Variants in C12orf42 observed in about 807,000 individuals in gnomAD.
The protein encoded by C12orf42 is uncharacterized protein C12orf42.
A neutral mutation model predicts 21.6 loss-of-function variants in C12orf42; 25 were observed. The observed-to-expected ratio is 1.16, with a 90% CI of 0.84 to 1.62. The LOEUF (loss-of-function observed/expected upper bound fraction) is 1.62. C12orf42 is among the 40% of genes most tolerant of loss of function. The probability of loss-of-function intolerance (pLI) is 0.00; values close to 1 mark genes in which losing one functional copy is unlikely to be tolerated. For synonymous variants in C12orf42, 174 were observed against 175.0 expected (o/e 0.99, Z 0.05); for missense variants, 483 against 459.3 (o/e 1.05, Z -0.47).
intron 4 of C12orf42, among the ~76,000 whole-genome samples, chr12:103,366,964 G>A (rs1029845832): frequency 1.3e-5 from 2 of 151,990 alleles, no homozygotes; most frequent in African/African-American, 4.8e-5. Context: ...CTACCCATAG[G>A]AAAACAAGTC....
chr12:103,518,845 G>A, the C12orf42 span, among the ~76,000 whole-genome samples: 22 of 151,820 alleles, frequency 1.4e-4, no homozygotes, highest in African/African-American at 4.6e-4. Flanking sequence ...TTTAAATAAC[G>A]TACTCAAGAT....
chr12:103,468,939 AAATCT>A (rs1953362380), intron 2 of C12orf42, among the ~76,000 whole-genome samples: 1 of 152,206 alleles, frequency 6.6e-6, no homozygotes, highest in Non-Finnish European at 1.5e-5. Context: ...TACTCCAGTA[AAATCT>A]AGCTAATAGC....
At chr12:103,362,600 G>T (rs2044215848) in intron 4 of C12orf42, among the ~76,000 whole-genome samples, 1 of 151,914 alleles carries the variant, frequency 6.6e-6, no homozygotes, top group Admixed American at 6.6e-5. Flanking sequence ...TTGAAAACAT[G>T]ATATAAGAAA....
the C12orf42 span, among the ~76,000 whole-genome samples, chr12:103,147,503 C>CTTTTTTTTTTTTTT: frequency 2.0e-4 from 20 of 99,956 alleles, no homozygotes; most frequent in Non-Finnish European, 2.7e-4. Context: ...CTTTTTTTTT[C>CTTTTTTTTTTTTTT]TTTTTTTTTT....
At chr12:103,220,742 A>C in the C12orf42 span, among the ~76,000 whole-genome samples, 15 of 152,190 alleles carry the variant, frequency 9.9e-5, no homozygotes, top group South Asian at 6.2e-4. Flanking sequence ...TCTCTCTATC[A>C]GTGGTGACAA....
intron 4 of C12orf42, among the ~76,000 whole-genome samples, chr12:103,327,856 G>T: frequency 6.6e-6 from 1 of 152,204 alleles, no homozygotes; most frequent in East Asian, 1.9e-4. Flanking sequence ...CTGGGAAAGA[G>T]TAAGAACAGA....
chr12:103,439,062 A>G (rs1950982219), intron 2 of C12orf42, among the ~76,000 whole-genome samples: 3 of 152,118 alleles, frequency 2.0e-5, no homozygotes, highest in Admixed American at 1.3e-4. Context: ...AAACAGAGAT[A>G]TAGATCAATG....
the C12orf42 span, among the ~76,000 whole-genome samples, chr12:103,554,511 T>C: frequency 6.6e-6 from 1 of 152,116 alleles, no homozygotes; most frequent in East Asian, 1.9e-4. Flanking sequence ...AATAGTCCAT[T>C]TGGGGGTGCA....
the C12orf42 span, among the ~76,000 whole-genome samples, chr12:103,513,044 C>T: frequency 2.6e-5 from 4 of 151,960 alleles, no homozygotes; most frequent in Non-Finnish European, 5.9e-5. Flanking sequence ...CACTCCTCTG[C>T]CAGCCCAGCA....
At chr12:103,132,890 C>T in the C12orf42 span, among the ~76,000 whole-genome samples, 2 of 152,176 alleles carry the variant, frequency 1.3e-5, no homozygotes, top group South Asian at 4.1e-4. Flanking sequence ...CCCACCCTCC[C>T]CAGTAGCAGA....
At chr12:103,503,632 G>A in the C12orf42 span, 1 of 152,618 alleles carries the variant, frequency 6.6e-6, no homozygotes, top group African/African-American at 2.4e-5. Context: ...GAGGCACTGA[G>A]GCACCTGGCA....
At chr12:103,390,923 G>T (rs1365851316) in intron 3 of C12orf42, among the ~76,000 whole-genome samples, 1 of 152,156 alleles carries the variant, frequency 6.6e-6, no homozygotes, top group Non-Finnish European at 1.5e-5. Context: ...AACAGCTAAT[G>T]CTAATCTCTT....
intron 2 of C12orf42, among the ~76,000 whole-genome samples, chr12:103,420,467 T>C (rs1170503996): frequency 6.6e-6 from 1 of 152,222 alleles, no homozygotes; most frequent in Non-Finnish European, 1.5e-5. Flanking sequence ...ATCCCTTTAC[T>C]GCTCATCAAT....
chr12:103,321,073 G>T (rs1200229627), intron 4 of C12orf42, among the ~76,000 whole-genome samples: 4 of 151,962 alleles, frequency 2.6e-5, no homozygotes, highest in Non-Finnish European at 4.4e-5. Flanking sequence ...AAAAATTTCT[G>T]GTTGGCCTAC....
the C12orf42 span, among the ~76,000 whole-genome samples, chr12:103,138,346 A>G: frequency 5.3e-5 from 8 of 152,238 alleles, no homozygotes; most frequent in South Asian, 1.7e-3. Context: ...TGTTCTTGTG[A>G]TAGTGAGTGA....
chr12:103,194,353 T>A, the C12orf42 span, among the ~76,000 whole-genome samples: 1 of 151,862 alleles, frequency 6.6e-6, no homozygotes, highest in African/African-American at 2.4e-5. Context: ...ATAAAAGGCA[T>A]CCAAATTGAA....
the C12orf42 span, among the ~76,000 whole-genome samples, chr12:103,230,952 C>T: frequency 6.6e-6 from 1 of 151,946 alleles, no homozygotes; most frequent in East Asian, 1.9e-4. Flanking sequence ...AGCTATATCC[C>T]AAAAGTTTTT....
intron 2 of C12orf42, among the ~76,000 whole-genome samples, chr12:103,407,117 T>C (rs1286377507): frequency 6.6e-6 from 1 of 152,142 alleles, no homozygotes; most frequent in Non-Finnish European, 1.5e-5. Flanking sequence ...GGAGTTGCGA[T>C]TCCAAGGTGA....
the C12orf42 span, among the ~76,000 whole-genome samples, chr12:103,062,502 G>A: frequency 0.025 from 3,836 of 151,916 alleles, 150 homozygotes; most frequent in African/African-American, 0.087. Context: ...TTTAGAAGTC[G>A]TGTTAGTCTT....
Sources: allele counts gnomAD v4.1 joint callset (sites outside exome capture counted in the v4.1 genomes callset), GRCh38; gene constraint gnomAD v4.1.1; transcripts MANE v1.5; gene names NCBI Gene and HGNC (gene_info 2026-07-23, HGNC 2026-07-21).